Variants in EDAR observed in about 807,000 individuals in gnomAD.
EDAR encodes the protein tumor necrosis factor receptor superfamily member EDAR.
In EDAR, 38 loss-of-function variants were observed where a neutral mutation model predicts 51.3. The ratio of observed to expected loss-of-function variants is 0.74; its 90% CI spans 0.57 to 0.97. The LOEUF is 0.97. EDAR is among the 50% of genes least tolerant of loss of function. EDAR has a pLI of 0.00. For synonymous variants in EDAR, 227 were observed against 242.1 expected, an observed-to-expected ratio of 0.94 and a Z score of 0.58; for missense variants, 528 against 595.0, an observed-to-expected ratio of 0.89 and a Z score of 1.17.
At chr2:108,923,980 C>T (rs574202402) in intron 4 of EDAR, among the ~76,000 whole-genome samples, 36 of 152,340 alleles carry the variant, frequency 2.4e-4, no homozygotes, top group African/African-American at 8.4e-4. Flanking sequence ...AGGAGACAGA[C>T]GGTTGTGCTG....
intron 4 of EDAR, among the ~76,000 whole-genome samples, chr2:108,928,417 A>G (rs1574384816): frequency 6.6e-6 from 1 of 151,350 alleles, no homozygotes; most frequent in Non-Finnish European, 1.5e-5. Flanking sequence ...AGCTGTGGTC[A>G]CCTCCCCCGT....
chr2:108,984,307 G>A (rs149774523), intron 1 of EDAR, among the ~76,000 whole-genome samples: 2 of 152,262 alleles, frequency 1.3e-5, no homozygotes, highest in African/African-American at 4.8e-5. Context: ...GCGTGGCATG[G>A]GATGGGGTGG....
At chr2:108,963,666 C>G (rs772562160) in intron 1 of EDAR, among the ~76,000 whole-genome samples, 43 of 152,196 alleles carry the variant, frequency 2.8e-4, no homozygotes, top group Non-Finnish European at 5.7e-4. Flanking sequence ...GAGCCAGGAG[C>G]CCTTTCAACA....
Position 108,923,462 on chromosome 2 carries a change from G to A in EDAR, c.357-9C>T, listed in dbSNP as rs376168791. On this transcript the variant is annotated splice_polypyrimidine_tract_variant and intron_variant, in intron 4 of 11. Transcript: ENST00000258443. ...TCTCCAGCATGTAGTAGCTACGGGG[G>A]AGAGACAAGACAAAACAGAGACAGG... The A allele has an allele frequency of 6.2e-7, 1 of 1,613,754 alleles. No individual in the cohort carries two copies. The highest frequency in any genetic ancestry group is 8.5e-7 in the Non-Finnish European group (1 of 1,179,658).
At chr2:108,934,785 C>G (rs561086548) in intron 1 of EDAR, among the ~76,000 whole-genome samples, 1 of 152,340 alleles carries the variant, frequency 6.6e-6, no homozygotes, top group East Asian at 1.9e-4. Flanking sequence ...CTCACGACCT[C>G]ATCACCTCCC....
intron 1 of EDAR, among the ~76,000 whole-genome samples, chr2:108,981,382 G>C (rs1698417877): frequency 6.6e-6 from 1 of 152,216 alleles, no homozygotes; most frequent in South Asian, 2.1e-4. Flanking sequence ...AGGCTCCTGA[G>C]GTTGAAGTTG....
chr2:108,982,129 G>A (rs1387217157), intron 1 of EDAR, among the ~76,000 whole-genome samples: 3 of 152,200 alleles, frequency 2.0e-5, no homozygotes, highest in Non-Finnish European at 4.4e-5. Context: ...ATGAGAATAG[G>A]GGCCAGGTCT....
chr2:108,958,366 A>C (rs1395785628), intron 1 of EDAR, among the ~76,000 whole-genome samples: 1 of 150,586 alleles, frequency 6.6e-6, no homozygotes, highest in Non-Finnish European at 1.5e-5. Flanking sequence ...GGGAATTGCT[A>C]TCACTTTCAT....
At chr2:108,899,822 C>A (rs1696666404) in intron 11 of EDAR, among the ~76,000 whole-genome samples, 1 of 152,014 alleles carries the variant, frequency 6.6e-6, no homozygotes, top group East Asian at 1.9e-4. Flanking sequence ...CCCGTCTCTA[C>A]TAAAAACACA....
intron 1 of EDAR, among the ~76,000 whole-genome samples, chr2:108,978,191 G>C (rs1698360590): frequency 6.6e-6 from 1 of 152,192 alleles, no homozygotes; most frequent in African/African-American, 2.4e-5. Flanking sequence ...GCCTTCACTG[G>C]GGATAGACGT....
intron 1 of EDAR, among the ~76,000 whole-genome samples, chr2:108,955,553 G>A (rs1251426360): frequency 1.5e-4 from 22 of 151,384 alleles, no homozygotes; most frequent in Admixed American, 1.4e-3. Flanking sequence ...TTTGAGACCT[G>A]CCTGGCCAAC....
Position 108,896,638 on chromosome 2 carries a change from G to A in EDAR, c.*269C>T. Reference sequence around the variant, plus strand: ...TCATTGTTCAGTGAGTTAATGGTGGGCTGGTGGGCTGGCTGTATGAGTGAG... The same window carrying A: ...TCATTGTTCAGTGAGTTAATGGTGGACTGGTGGGCTGGCTGTATGAGTGAG... On this transcript the variant is annotated 3_prime_UTR_variant, in exon 12 of 12. Transcript: ENST00000258443. 2.1e-6 allele frequency: 1 copy of A among 477,516 alleles called. No homozygotes were observed. The highest frequency in any genetic ancestry group is 3.8e-6 in the Non-Finnish European group (1 of 264,180). The allele number at this position is 477,516 out of a possible 1,614,324, so 29.6% of individuals were successfully genotyped here.
intron 1 of EDAR, among the ~76,000 whole-genome samples, chr2:108,964,869 G>A (rs769297503): frequency 6.6e-6 from 1 of 152,160 alleles, no homozygotes; most frequent in Non-Finnish European, 1.5e-5. Context: ...AAACTGTGTA[G>A]CATGACAAAA....
rs187318344 is a variant in EDAR, at chr2:108,902,202, C to T, written c.1024+4106G>A. 4.1e-4 allele frequency among the ~76,000 whole-genome samples: 60 copies of T among 147,084 alleles called. No homozygotes were observed. In the East Asian group the frequency reaches 0.011, roughly 27 times the overall value. On this transcript the variant is annotated intron_variant, in intron 11 of 11. Coordinates refer to ENST00000258443, the MANE Select transcript of EDAR (RefSeq NM_022336.4). ...GCCAGCCTGGGACAGAGTGAGACTC[C>T]GTCTCAAAAAAAAAAAAAAAAAATT...
chr2:108,906,890 G>A (rs564526884), intron 10 of EDAR, among the ~76,000 whole-genome samples: 10 of 152,346 alleles, frequency 6.6e-5, no homozygotes, highest in South Asian at 2.1e-4. Flanking sequence ...CACTGAACTC[G>A]GGGCAGGCAG....
chr2:108,896,786 G>A lies in EDAR; in HGVS notation c.*121C>T. On this transcript the variant is annotated 3_prime_UTR_variant, in exon 12 of 12. Coordinates refer to ENST00000258443, the MANE Select transcript of EDAR (RefSeq NM_022336.4). ...TCGTCTGGCTCCTTGAACATCCTAA[G>A]GCATACGGTGACATATCACAAAAGC... The A allele has an allele frequency of 1.0e-6, 1 of 972,120 alleles. No homozygotes were observed. Among genetic ancestry groups the A allele is most frequent in the Non-Finnish European group, 1.5e-6 (1 of 651,016 alleles). 60.2% of individuals were successfully genotyped at this position (972,120 alleles called of 1,614,324 possible). A position where few individuals can be genotyped will look rare whatever the true frequency, so the allele number is the denominator to read the frequency against.
At chr2:108,910,629 C>A (rs1042385866) in intron 8 of EDAR, 97 bp from the exon 9 acceptor site, 12 of 1,411,328 alleles carry the variant, frequency 8.5e-6, no homozygotes, top group Admixed American at 7.3e-5. Context: ...GCAGAGCTGC[C>A]CGGTGTCTGT....
At chr2:108,947,284 AGCTCCTGTAACT>A (rs762143098) in intron 1 of EDAR, among the ~76,000 whole-genome samples, 27 of 152,174 alleles carry the variant, frequency 1.8e-4, no homozygotes, top group Non-Finnish European at 3.7e-4. Flanking sequence ...TGCAGGGTAC[AGCTCCTGTAACT>A]GCTTTCATGG....
intron 1 of EDAR, among the ~76,000 whole-genome samples, chr2:108,966,755 A>G (rs1197268944): frequency 6.6e-6 from 1 of 152,246 alleles, no homozygotes; most frequent in Non-Finnish European, 1.5e-5. Context: ...CTGCTGGCAG[A>G]GGCCAAGTGC....
Sources: allele counts gnomAD v4.1 joint callset (sites outside exome capture counted in the v4.1 genomes callset), GRCh38; gene constraint gnomAD v4.1.1; transcripts MANE v1.5; gene names NCBI Gene and HGNC (gene_info 2026-07-23, HGNC 2026-07-21).